Variants in TP53BP2 observed in about 807,000 individuals in gnomAD.
The protein encoded by TP53BP2 is apoptosis-stimulating of p53 protein 2.
Under a neutral mutation model 126.2 loss-of-function variants are expected in TP53BP2, and 62 were observed. The observed-to-expected ratio is 0.49, with a 90% confidence interval of 0.40 to 0.61. The LOEUF (loss-of-function observed/expected upper bound fraction) is 0.61. Ranked by LOEUF, TP53BP2 falls within the 20% of genes least tolerant of loss-of-function variation. The pLI is 0.00. For missense variants in TP53BP2, 1,215 were observed against 1,402.8 expected, an observed-to-expected ratio of 0.87 and a Z score of 2.14; for synonymous variants, 485 against 502.9, an observed-to-expected ratio of 0.96 and a Z score of 0.48.
chr1:223,816,760 G>A (rs1362056469), intron 2 of TP53BP2, among the ~76,000 whole-genome samples: 1 of 151,820 alleles, frequency 6.6e-6, no homozygotes, highest in Non-Finnish European at 1.5e-5. Context: ...TCAAATGTGT[G>A]AACCTTTATG....
chr1:223,798,523 C>A lies in TP53BP2; in HGVS notation c.1640G>T (p.Gly547Val). The A allele has an allele frequency of 6.2e-7, 1 of 1,614,104 alleles. No homozygotes were observed. The highest frequency in any genetic ancestry group is 8.5e-7 in the Non-Finnish European group (1 of 1,179,994). The change falls in exon 12 of 18, where the codon GGA (glycine) becomes GTA (valine). Residue 547 changes from glycine to valine, a missense_variant. By Grantham distance (109) the Gly-to-Val change is moderately radical (BLOSUM62 -3). Coordinates refer to ENST00000343537, the MANE Select transcript of TP53BP2 (RefSeq NM_001031685.3). ...QQLSTVVPSM[G>V]TKPKPAGQQP... ...CTGCCCTGCTGGTTTTGGTTTAGTT[C>A]CCATGGACGGAACAACTGTTGACAA...
chr1:223,815,646 C>T (rs944518228), intron 2 of TP53BP2, among the ~76,000 whole-genome samples: 2 of 152,342 alleles, frequency 1.3e-5, no homozygotes, highest in South Asian at 4.1e-4. Flanking sequence ...AAAGATCAGG[C>T]ATAGGCCTGC....
chr1:223,796,614 A>AG lies in TP53BP2; in HGVS notation c.1949-25dup. ...TACTAATTGGAAAAGGAAAAAAAAA[A>AG]GCCCTCATTAGCATTAATTAAACAA... On this transcript the variant is annotated intron_variant, in intron 12 of 17. Transcript: ENST00000343537. The surrounding 1 kb of genome is among the most constrained non-coding windows in gnomAD (Gnocchi z 4.2). 6.5e-7 allele frequency: 1 copy of AG among 1,538,066 alleles called. No homozygotes were observed. The highest frequency in any genetic ancestry group is 8.7e-7 in the Non-Finnish European group (1 of 1,151,464).
At position 223,796,526 on chromosome 1, in the gene TP53BP2, G is replaced by A. The variant is rs1479950826; in HGVS notation, c.2013C>T (p.Ser671=). The A allele has an allele frequency of 1.9e-6, 3 of 1,613,892 alleles. No individual in the cohort carries two copies. The highest frequency in any genetic ancestry group is 1.7e-4 in the Middle Eastern group (1 of 6,054). Residue 671 remains serine (S), a synonymous_variant, in exon 13 of 18, where the codon TCC becomes TCT. Transcript: ENST00000343537. This position sits in a 1 kb window ranked among gnomAD's most constrained non-coding sequence, Gnocchi z 4.2. ...NQQQHPENIY[S]NSQGKPGSPE... Reference sequence around the variant, plus strand: ...GACTGCCAGGCTTGCCCTGGCTATTGGAATAAATGTTCTCTGGGTGCTGCT... The same window carrying A: ...GACTGCCAGGCTTGCCCTGGCTATTAGAATAAATGTTCTCTGGGTGCTGCT...
intron 1 of TP53BP2, among the ~76,000 whole-genome samples, chr1:223,832,383 G>A: frequency 6.6e-6 from 1 of 152,146 alleles, no homozygotes; most frequent in East Asian, 1.9e-4. Flanking sequence ...GAGAGATTAG[G>A]GGAAAATCTG....
Position 223,829,688 on chromosome 1 carries a change from T to C in TP53BP2, c.28-8321A>G, listed in dbSNP as rs116196455. On this transcript the variant is annotated intron_variant, in intron 1 of 17. Transcript: ENST00000343537. The stretch of plus-strand genomic sequence containing the variant: ...ATTATAAATGTGTTCCTGCCAACTT[T>C]TGAGGTAAATTGTTTTCATCATAAA... Among the ~76,000 whole-genome samples, 959 of 151,894 alleles carry C rather than the reference T, an allele frequency of 6.3e-3. 10 individuals are homozygous for C. The highest frequency in any genetic ancestry group is 0.031 in the Middle Eastern group (9 of 294).
intron 15 of TP53BP2, among the ~76,000 whole-genome samples, chr1:223,789,640 T>C (rs1037076039): frequency 7.2e-5 from 11 of 152,212 alleles, no homozygotes; most frequent in South Asian, 6.2e-4. Flanking sequence ...TTAAGTTGCA[T>C]AGATGAACTA....
chr1:223,817,079 G>A (rs1213544729), intron 2 of TP53BP2, among the ~76,000 whole-genome samples: 8 of 151,308 alleles, frequency 5.3e-5, no homozygotes. Context: ...AGGATCACTT[G>A]AGCCTAGAAG....
In TP53BP2 at chr1:223,821,354, A is replaced by C. The variant is rs768970570; in HGVS notation, c.41T>G (p.Val14Gly). 1 of 1,614,064 alleles carries C rather than the reference A, an allele frequency of 6.2e-7. No individual in the cohort carries two copies. The highest frequency in any genetic ancestry group is 8.5e-7 in the Non-Finnish European group (1 of 1,179,882). Reference sequence around the variant, plus strand: ...GTGCTGCTCATTGTTACTGAGATACACGGTAAGAAACATCTAAAAATTAAG... The same window carrying C: ...GTGCTGCTCATTGTTACTGAGATACCCGGTAAGAAACATCTAAAAATTAAG... The part of the protein sequence containing the change: ...GSKMMPMFLT[V>G]YLSNNEQHFT... The change falls in exon 2 of 18, where the codon GTG becomes GGG. Residue 14 changes from valine (V) to glycine (G), a missense_variant. By Grantham distance (109) the Val-to-Gly change is moderately radical. Around this residue, in one of 4 missense-constraint regions of TP53BP2, gnomAD observed 814 missense variants for 853.0 expected, o/e 0.95. Coordinates refer to ENST00000343537, the MANE Select transcript of TP53BP2 (RefSeq NM_001031685.3).
At chr1:223,833,346 C>T (rs1363795770) in intron 1 of TP53BP2, among the ~76,000 whole-genome samples, 6 of 152,114 alleles carry the variant, frequency 3.9e-5, no homozygotes, top group African/African-American at 1.4e-4. Context: ...TAAACTATTC[C>T]TTTGCTCACT....
At chr1:223,809,064 T>C (rs1018826249) in intron 4 of TP53BP2, among the ~76,000 whole-genome samples, 12 of 152,002 alleles carry the variant, frequency 7.9e-5, no homozygotes, top group African/African-American at 2.7e-4. Context: ...AAAATATATA[T>C]ATAAAGATAT....
intron 11 of TP53BP2, among the ~76,000 whole-genome samples, chr1:223,799,522 A>G (rs972321768): frequency 4.6e-5 from 7 of 152,218 alleles, no homozygotes; most frequent in Admixed American, 1.3e-4. Context: ...CCTAACTTGG[A>G]GCACTCACAC....
At chr1:223,793,265 C>G (rs1662211375) in intron 14 of TP53BP2, 38 bp downstream of exon 14, 7 of 1,473,776 alleles carry the variant, frequency 4.7e-6, no homozygotes, top group South Asian at 4.4e-5. Context: ...GAGCGAGACT[C>G]TGACTCAAAA....
chr1:223,790,246 T>C (rs952563005), intron 15 of TP53BP2, among the ~76,000 whole-genome samples: 2 of 151,744 alleles, frequency 1.3e-5, no homozygotes, highest in Non-Finnish European at 2.9e-5. Flanking sequence ...AGCAAGACTC[T>C]GTCTCAAAAA....
chr1:223,808,510 C>T (rs2102859873), intron 4 of TP53BP2, among the ~76,000 whole-genome samples: 2 of 149,974 alleles, frequency 1.3e-5, no homozygotes. Context: ...CACTGCACTC[C>T]AGCCTAGGCG....
At chr1:223,817,148 C>A (rs1663113953) in intron 2 of TP53BP2, among the ~76,000 whole-genome samples, 1 of 148,248 alleles carries the variant, frequency 6.7e-6, no homozygotes, top group Admixed American at 6.8e-5. Context: ...GGCGACACAG[C>A]AAGACCTTGT....
intron 11 of TP53BP2, among the ~76,000 whole-genome samples, chr1:223,799,151 T>TA (rs1208732698): frequency 1.2e-4 from 19 of 152,212 alleles, no homozygotes; most frequent in African/African-American, 4.1e-4. Flanking sequence ...TTTATTTTTA[T>TA]ATAGACAGGG....
Position 223,838,292 on chromosome 1 carries a change from A to G in TP53BP2, c.27+7362T>C, listed in dbSNP as rs147964365. Reference sequence around the variant, plus strand: ...CTGGAATACAGAAGATGTTAACTAAATATTTGTTGAGCAGATGTTATCCCC... The same window carrying G: ...CTGGAATACAGAAGATGTTAACTAAGTATTTGTTGAGCAGATGTTATCCCC... On this transcript the variant is annotated intron_variant, in intron 1 of 17. Transcript: ENST00000343537. Among the ~76,000 whole-genome samples the G allele has an allele frequency of 6.6e-4, 100 of 152,286 alleles. 1 individual carries two copies. In the East Asian group the frequency reaches 0.017, roughly 26 times the overall value.
intron 1 of TP53BP2, among the ~76,000 whole-genome samples, chr1:223,837,397 T>C (rs1663958923): frequency 6.6e-6 from 1 of 152,152 alleles, no homozygotes; most frequent in African/African-American, 2.4e-5. Context: ...ATAAAAAGTA[T>C]GGTTTCTCTT....
Sources: allele counts gnomAD v4.1 joint callset (sites outside exome capture counted in the v4.1 genomes callset), GRCh38; gene constraint gnomAD v4.1.1; regional missense constraint gnomAD v4.1.1; non-coding constraint Gnocchi (gnomAD v3.1); transcripts MANE v1.5; gene names NCBI Gene and HGNC (gene_info 2026-07-23, HGNC 2026-07-21).